FRAS1: variants seen among roughly 807,000 people sequenced by gnomAD.
FRAS1 encodes the protein extracellular matrix organizing protein FRAS1.
Under a neutral mutation model 435.2 loss-of-function variants are expected in FRAS1, and 290 were observed. The observed-to-expected ratio is 0.67, with a 90% CI of 0.61 to 0.73. The LOEUF (loss-of-function observed/expected upper bound fraction) is 0.73, where lower values mean the gene tolerates loss of function less well. Among genes scored for constraint, FRAS1 ranks in the 30% least tolerant of loss-of-function variants. FRAS1 has a pLI of 0.00. For missense variants in FRAS1, 4,860 were observed against 5,001.5 expected (o/e 0.97, Z 0.85); for synonymous variants, 1,800 against 1,851.0 (o/e 0.97, Z 0.71).
chr4:78,064,744 G>C (rs1404299923), intron 1 of FRAS1, among the ~76,000 whole-genome samples: 1 of 151,870 alleles, frequency 6.6e-6, no homozygotes, highest in Non-Finnish European at 1.5e-5. Flanking sequence ...ATTACTGGAG[G>C]AGAAGGTAGA....
At chr4:78,271,950 A>G (rs189996972) in intron 9 of FRAS1, among the ~76,000 whole-genome samples, 219 of 152,240 alleles carry the variant, frequency 1.4e-3, no homozygotes, top group Non-Finnish European at 5.1e-4. Context: ...AAGTGTTCCT[A>G]TTTCTCCACA....
chr4:78,314,869 AT>A (rs60635677), intron 15 of FRAS1, among the ~76,000 whole-genome samples: 5,908 of 150,226 alleles, frequency 0.039, 398 homozygotes, highest in African/African-American at 0.14. Context: ...CCACCCTCAC[AT>A]TTTTTTTTGA....
At chr4:78,275,040 G>A (rs1366047317) in intron 9 of FRAS1, among the ~76,000 whole-genome samples, 2 of 152,182 alleles carry the variant, frequency 1.3e-5, no homozygotes, top group Non-Finnish European at 2.9e-5. Context: ...AGCTCTTCTT[G>A]TTGAATTGAT....
chr4:78,105,496 G>A (rs1261311359), intron 2 of FRAS1, among the ~76,000 whole-genome samples: 8 of 152,144 alleles, frequency 5.3e-5, no homozygotes. Flanking sequence ...CAAAGGGCCA[G>A]GGGAGGATAT....
intron 29 of FRAS1, among the ~76,000 whole-genome samples, chr4:78,395,532 T>C (rs899056215): frequency 6.6e-6 from 1 of 152,078 alleles, no homozygotes; most frequent in African/African-American, 2.4e-5. Flanking sequence ...TTGATGTATC[T>C]AGGTGTGCTA....
chr4:78,253,454 T>A (rs772037901), intron 5 of FRAS1, among the ~76,000 whole-genome samples: 4 of 152,212 alleles, frequency 2.6e-5, no homozygotes, highest in African/African-American at 4.8e-5. Context: ...AAGACAGGCA[T>A]AAGAAATTGT....
intron 65 of FRAS1, among the ~76,000 whole-genome samples, chr4:78,513,876 T>C (rs1362603945): frequency 6.6e-6 from 1 of 152,228 alleles, no homozygotes; most frequent in African/African-American, 2.4e-5. Context: ...TTGACATTTT[T>C]AAAGCACCTA....
intron 3 of FRAS1, among the ~76,000 whole-genome samples, 176 bp from the exon 4 acceptor site, chr4:78,245,057 G>A (rs1037019761): frequency 1.8e-4 from 28 of 152,110 alleles, no homozygotes; most frequent in African/African-American, 6.3e-4. Flanking sequence ...ATCTTTGAGC[G>A]AAGCTTATCT....
rs185493890 is a variant in FRAS1, at chr4:78,268,823, G to A, written c.981+1391G>A. Reference sequence around the variant, plus strand: ...CTTGGCTATTCTTAGGGAATATGGGGATTAGCTGCCAAAGTGGAGAGCACT... The same window carrying A: ...CTTGGCTATTCTTAGGGAATATGGGAATTAGCTGCCAAAGTGGAGAGCACT... On this transcript the variant is annotated intron_variant, in intron 9 of 73. Transcript: ENST00000512123. Among the ~76,000 whole-genome samples the A allele has an allele frequency of 4.7e-3, 712 of 152,280 alleles. 3 individuals carry two copies. Among genetic ancestry groups the A allele is most frequent in the Non-Finnish European group, 7.8e-3 (533 of 68,024 alleles).
chr4:78,470,447 A>G (rs1719666117), intron 51 of FRAS1, among the ~76,000 whole-genome samples: 1 of 152,214 alleles, frequency 6.6e-6, no homozygotes, highest in Admixed American at 6.5e-5. Flanking sequence ...TTGTTCTGTC[A>G]TCACTAAGTG....
intron 2 of FRAS1, among the ~76,000 whole-genome samples, chr4:78,121,131 C>T (rs1718993477): frequency 6.6e-6 from 1 of 152,168 alleles, no homozygotes; most frequent in Admixed American, 6.5e-5. Flanking sequence ...TTGGCCTTCT[C>T]AGGAACCTGA....
At chr4:78,387,832 T>C (rs544983117) in intron 29 of FRAS1, 131 bp downstream of exon 29, 3 of 597,758 alleles carry the variant, frequency 5.0e-6, no homozygotes, top group African/African-American at 3.7e-5. Context: ...ACCTATTATA[T>C]AGAGGGCACT....
At chr4:78,506,226 AGTCT>A (rs1448429120) in intron 61 of FRAS1, among the ~76,000 whole-genome samples, 4 of 152,246 alleles carry the variant, frequency 2.6e-5, no homozygotes, top group African/African-American at 9.6e-5. Context: ...TTGAGGAGGC[AGTCT>A]GTCTGTTCTC....
intron 4 of FRAS1, among the ~76,000 whole-genome samples, chr4:78,247,112 G>A (rs1725282369): frequency 6.6e-6 from 1 of 151,922 alleles, no homozygotes. Flanking sequence ...GTTAGCTCTG[G>A]GACCACAGAT....
At position 78,197,120 on chromosome 4, in the gene FRAS1, T is replaced by A. The variant is rs552629086; in HGVS notation, c.109-40390T>A. ...TTGCTTGTACAGGCAATTCTTTTTTTTATACCTCAACAATGATGCTTATCA... is the reference window on the plus strand; with the variant it reads ...TTGCTTGTACAGGCAATTCTTTTTTATATACCTCAACAATGATGCTTATCA... On this transcript the variant is annotated intron_variant, in intron 2 of 73. Transcript: ENST00000512123. Among the ~76,000 whole-genome samples, 123 of 152,358 alleles carry A rather than the reference T, an allele frequency of 8.1e-4. 1 individual carries two copies. Among genetic ancestry groups the A allele is most frequent in the Middle Eastern group, 3.4e-3 (1 of 294 alleles).
intron 2 of FRAS1, among the ~76,000 whole-genome samples, chr4:78,235,812 G>C (rs1452683890): frequency 6.6e-6 from 1 of 152,222 alleles, no homozygotes; most frequent in Non-Finnish European, 1.5e-5. Context: ...ATCTGAGTGT[G>C]GTGGTGCATG....
rs781729122 is a variant in FRAS1, at chr4:78,363,425, T to C, written c.2423-88T>C. The C allele has an allele frequency of 2.3e-6, 3 of 1,332,904 alleles. No individual in the cohort carries two copies. The South Asian group carries it at 4.5e-5, about 20-fold the overall frequency. 82.6% of individuals were successfully genotyped at this position (1,332,904 alleles called of 1,614,324 possible). On this transcript the variant is annotated intron_variant, in intron 20 of 73. Transcript: ENST00000512123. Reference sequence around the variant, plus strand: ...CAGCTGTCAGCTGCAGTGTTTGTAATTGAAATCTCTTCTGCCCTTCTGTGC... The same window carrying C: ...CAGCTGTCAGCTGCAGTGTTTGTAACTGAAATCTCTTCTGCCCTTCTGTGC...
Position 78,317,404 on chromosome 4 carries a change from C to T in FRAS1, c.1856C>T (p.Thr619Ile). 6.2e-7 allele frequency: 1 copy of T among 1,613,906 alleles called. No individual in the cohort carries two copies. Among genetic ancestry groups the T allele is most frequent in the Non-Finnish European group, 8.5e-7 (1 of 1,179,822 alleles). Residue 619 changes from threonine to isoleucine, a missense_variant, in exon 17 of 74, where the codon ACA becomes ATA. Physicochemically the swap from Thr to Ile is moderately conservative, Grantham distance 89. Transcript: ENST00000512123. ...HNSCASCSGPTPSHCTACSPP... is the reference protein window; with the variant it reads ...HNSCASCSGPIPSHCTACSPP... ...TCATGTGCCAGCTGCTCTGGGCCCACACCCTCTCACTGTACAGCCTGCAGC... is the reference window on the plus strand; with the variant it reads ...TCATGTGCCAGCTGCTCTGGGCCCATACCCTCTCACTGTACAGCCTGCAGC...
chr4:78,266,023 GT>G (rs1279996359), intron 7 of FRAS1, among the ~76,000 whole-genome samples: 1 of 152,216 alleles, frequency 6.6e-6, no homozygotes, highest in East Asian at 1.9e-4. Context: ...GTTAGACTGA[GT>G]TTTTCTTTGA....
Sources: gnomAD v4.1 joint callset for allele counts (sites outside exome capture counted in the v4.1 genomes callset) on GRCh38, gnomAD v4.1.1 for gene constraint, MANE v1.5 for transcripts, NCBI Gene and HGNC (gene_info 2026-07-23, HGNC 2026-07-21) for gene names.